The following PITPNC1 variants were observed in gnomAD, a reference collection of about 807,000 sequenced individuals.
PITPNC1 encodes the protein phosphatidylinositol transfer protein cytoplasmic 1, also known as cytoplasmic phosphatidylinositol transfer protein 1.
PITPNC1 carries 18 observed loss-of-function variants against 44.7 expected under a neutral mutation model. The observed-to-expected ratio is 0.40, with a 90% confidence interval of 0.28 to 0.60. PITPNC1 has a LOEUF of 0.60. Ranked by LOEUF, PITPNC1 falls within the 20% of genes least tolerant of loss-of-function variation. PITPNC1 has a pLI of 0.39. For missense variants in PITPNC1, 290 were observed against 418.4 expected, an observed-to-expected ratio of 0.69 and a Z score of 2.68; for synonymous variants, 141 against 149.6, an observed-to-expected ratio of 0.94 and a Z score of 0.42.
intron 1 of PITPNC1, among the ~76,000 whole-genome samples, chr17:67,491,156 C>T (rs142814357): frequency 2.6e-5 from 4 of 152,338 alleles, no homozygotes; most frequent in East Asian, 1.9e-4. Context: ...CTCTGGAGCC[C>T]GGAGCCGGAG....
chr17:67,668,659 C>G (rs375236402), intron 6 of PITPNC1, among the ~76,000 whole-genome samples: 2 of 152,142 alleles, frequency 1.3e-5, no homozygotes, highest in South Asian at 4.2e-4. Flanking sequence ...GTCAGGAGAT[C>G]GAGACCATCC....
chr17:67,596,473 C>T (rs2041461356), intron 5 of PITPNC1, among the ~76,000 whole-genome samples: 1 of 151,878 alleles, frequency 6.6e-6, no homozygotes. Context: ...CATACTGTTC[C>T]CTATTTCTTT....
At chr17:67,617,337 C>A (rs1215640168) in intron 5 of PITPNC1, among the ~76,000 whole-genome samples, 1 of 152,146 alleles carries the variant, frequency 6.6e-6, no homozygotes, top group Non-Finnish European at 1.5e-5. Flanking sequence ...GAGAACCTGC[C>A]TCTAATAAAA....
At position 67,391,352 on chromosome 17, in the gene PITPNC1, C is replaced by T. The variant is rs1175990747; in HGVS notation, c.48+13150C>T. ...TGTTCCCCCGCCCCATGTCATCTTACACACACACACAGGCACAAAAACACA... is the reference window on the plus strand; with the variant it reads ...TGTTCCCCCGCCCCATGTCATCTTATACACACACACAGGCACAAAAACACA... On this transcript the variant is annotated intron_variant, in intron 1 of 8. Transcript: ENST00000581322. 2.6e-5 allele frequency among the ~76,000 whole-genome samples: 4 copies of T among 151,822 alleles called. No homozygotes were observed. The East Asian group carries it at 7.7e-4, about 29-fold the overall frequency.
intron 1 of PITPNC1, among the ~76,000 whole-genome samples, chr17:67,469,383 G>A (rs142245619): frequency 5.3e-5 from 8 of 152,222 alleles, no homozygotes; most frequent in Non-Finnish European, 1.0e-4. Flanking sequence ...CCTCAGCACC[G>A]TATCACTCCG....
chr17:67,692,111 A>T (rs1167050694), intron 8 of PITPNC1, among the ~76,000 whole-genome samples: 1 of 152,124 alleles, frequency 6.6e-6, no homozygotes, highest in Non-Finnish European at 1.5e-5. Context: ...GACAATAATG[A>T]CAATAATATG....
At chr17:67,552,544 TTAAGC>T (rs1013320184) in intron 3 of PITPNC1, among the ~76,000 whole-genome samples, 199 bp downstream of exon 3, 8 of 150,324 alleles carry the variant, frequency 5.3e-5, no homozygotes, top group African/African-American at 2.0e-4. Flanking sequence ...GACAGGGGGG[TTAAGC>T]TAAGCCATTC....
intron 8 of PITPNC1, among the ~76,000 whole-genome samples, chr17:67,678,573 G>A (rs2042646079): frequency 6.6e-6 from 1 of 152,228 alleles, no homozygotes; most frequent in African/African-American, 2.4e-5. Context: ...GTAAGCTTCT[G>A]CAACCATCAG....
chr17:67,606,996 G>A (rs1233511461), intron 5 of PITPNC1, among the ~76,000 whole-genome samples: 1 of 152,176 alleles, frequency 6.6e-6, no homozygotes, highest in African/African-American at 2.4e-5. Flanking sequence ...CCGCTCTCCT[G>A]TCCTTGGCTG....
chr17:67,672,882 G>T (rs1186311612), intron 7 of PITPNC1, among the ~76,000 whole-genome samples: 6 of 151,950 alleles, frequency 3.9e-5, no homozygotes. Flanking sequence ...GAACACCTTT[G>T]TTTTTTTAAG....
intron 5 of PITPNC1, among the ~76,000 whole-genome samples, chr17:67,583,889 GTGTGTGTTTGTGTGTGTGTGTGTT>G (rs1178486042): frequency 6.1e-5 from 8 of 130,902 alleles, no homozygotes; most frequent in African/African-American, 2.2e-4. Flanking sequence ...GTGTGTGTGT[GTGTGTGTTTGTGTGTGTGTGTGTT>G]TGTGTTTAGT....
At chr17:67,442,752 G>A (rs2039033868) in intron 1 of PITPNC1, among the ~76,000 whole-genome samples, 1 of 151,830 alleles carries the variant, frequency 6.6e-6, no homozygotes, top group South Asian at 2.1e-4. Context: ...CTACTTTGGA[G>A]GATGAGGCAG....
intron 8 of PITPNC1, among the ~76,000 whole-genome samples, chr17:67,686,015 G>T (rs575766999): frequency 4.6e-5 from 7 of 151,770 alleles, no homozygotes; most frequent in Admixed American, 3.9e-4. Flanking sequence ...ATTTTTAGTA[G>T]AGACGGTGTT....
intron 1 of PITPNC1, among the ~76,000 whole-genome samples, chr17:67,389,968 C>T (rs145109365): frequency 9.2e-4 from 140 of 152,146 alleles, no homozygotes; most frequent in African/African-American, 2.8e-3. Context: ...CGCGAGCCAC[C>T]GTGCCCGGCC....
rs1187005114 is a variant in PITPNC1 at position 67,572,108 on chromosome 17, C to T, written c.295-6078C>T. On this transcript the variant is annotated intron_variant, in intron 4 of 8. Transcript: ENST00000581322. ...ACGGGATGCTTCAGCAGCCCTTAGACATCTTTTTCTGTTTTAGCCAATGGC... is the reference window on the plus strand; with the variant it reads ...ACGGGATGCTTCAGCAGCCCTTAGATATCTTTTTCTGTTTTAGCCAATGGC... Among the ~76,000 whole-genome samples, 4 of 152,292 alleles carry T rather than the reference C, an allele frequency of 2.6e-5. No individual in the cohort carries two copies. The East Asian group carries it at 7.7e-4, about 30-fold the overall frequency.
intron 1 of PITPNC1, among the ~76,000 whole-genome samples, chr17:67,504,170 TGAGCCCCAA>T: frequency 6.6e-6 from 1 of 152,250 alleles, no homozygotes; most frequent in South Asian, 2.1e-4. Flanking sequence ...TATTGCTTTC[TGAGCCCCAA>T]CATCTCCAGC....
At chr17:67,656,148 A>C (rs2042264576) in intron 6 of PITPNC1, among the ~76,000 whole-genome samples, 1 of 152,172 alleles carries the variant, frequency 6.6e-6, no homozygotes, top group Admixed American at 6.5e-5. Context: ...TTCAGACCCC[A>C]CCCAGGACCA....
intron 4 of PITPNC1, among the ~76,000 whole-genome samples, chr17:67,571,114 C>A (rs1222552930): frequency 1.3e-5 from 2 of 152,188 alleles, no homozygotes; most frequent in Non-Finnish European, 2.9e-5. Flanking sequence ...TGTAGCAAAT[C>A]TCCCACAAAT....
chr17:67,620,253 T>C (rs2041812775), intron 5 of PITPNC1, among the ~76,000 whole-genome samples: 1 of 152,092 alleles, frequency 6.6e-6, no homozygotes, highest in South Asian at 2.1e-4. Context: ...AGGGTCTCAC[T>C]ATGTTGCCCC....
Sources: gnomAD v4.1 joint callset for allele counts (sites outside exome capture counted in the v4.1 genomes callset) on GRCh38, gnomAD v4.1.1 for gene constraint, MANE v1.5 for transcripts, NCBI Gene and HGNC (gene_info 2026-07-23, HGNC 2026-07-21) for gene names.